NRG3: variants seen among roughly 807,000 people sequenced by gnomAD.
The protein encoded by NRG3 is pro-neuregulin-3, membrane-bound isoform.
NRG3 carries 31 observed loss-of-function variants against 66.9 expected under a neutral mutation model. The ratio of observed to expected loss-of-function variants is 0.46; its 90% confidence interval spans 0.35 to 0.63. NRG3 has a LOEUF of 0.63. Among genes scored for constraint, NRG3 ranks in the 20% least tolerant of loss-of-function variants. NRG3 has a pLI of 0.00. For missense variants in NRG3, 910 were observed against 878.9 expected, an observed-to-expected ratio of 1.04 and a Z score of -0.45; for synonymous variants, 393 against 359.4, an observed-to-expected ratio of 1.09 and a Z score of -1.06.
At chr10:82,238,869 G>A (rs549190604) in intron 1 of NRG3, among the ~76,000 whole-genome samples, 18 of 119,568 alleles carry the variant, frequency 1.5e-4, no homozygotes, top group Non-Finnish European at 2.9e-4. Context: ...CAGCTAAAAG[G>A]CCTATGTCAC....
intron 4 of NRG3, among the ~76,000 whole-genome samples, chr10:82,916,474 A>G (rs776509920): frequency 4.6e-5 from 7 of 152,154 alleles, no homozygotes; most frequent in Non-Finnish European, 8.8e-5. Flanking sequence ...AGGTGGGGGA[A>G]CAAAAATAAA....
intron 1 of NRG3, among the ~76,000 whole-genome samples, chr10:82,209,936 A>C (rs2075314614): frequency 6.6e-6 from 1 of 152,168 alleles, no homozygotes. Flanking sequence ...ATTGATGCAA[A>C]AAAATCAAGG....
At chr10:82,309,233 T>G (rs1042447474) in intron 1 of NRG3, among the ~76,000 whole-genome samples, 3 of 152,180 alleles carry the variant, frequency 2.0e-5, no homozygotes, top group African/African-American at 7.2e-5. Flanking sequence ...TCCCTCCTAA[T>G]TTTGCCTATG....
At chr10:82,095,300 C>CA (rs11351940) in intron 1 of NRG3, among the ~76,000 whole-genome samples, 6,471 of 148,748 alleles carry the variant, frequency 0.044, 165 homozygotes, top group East Asian at 0.11. Context: ...TTGCTTAAGC[C>CA]AAAAAAAAAA....
At chr10:82,412,852 CT>C (rs982055512) in intron 2 of NRG3, among the ~76,000 whole-genome samples, 11 of 152,088 alleles carry the variant, frequency 7.2e-5, no homozygotes, top group Non-Finnish European at 1.2e-4. Flanking sequence ...CAAAAAAACA[CT>C]TTCTTAGCTC....
chr10:81,915,811 T>A (rs138817337), intron 1 of NRG3, among the ~76,000 whole-genome samples: 1 of 152,186 alleles, frequency 6.6e-6, no homozygotes, highest in Non-Finnish European at 1.5e-5. Context: ...ATGGTGATAA[T>A]TGTTCTGTCC....
intron 1 of NRG3, among the ~76,000 whole-genome samples, chr10:82,048,399 C>T (rs1402141507): frequency 6.6e-6 from 1 of 152,138 alleles, no homozygotes; most frequent in Non-Finnish European, 1.5e-5. Context: ...AACAAACTGT[C>T]TCTCAGACCA....
At chr10:82,416,698 C>A (rs1320597845) in intron 2 of NRG3, among the ~76,000 whole-genome samples, 4 of 152,102 alleles carry the variant, frequency 2.6e-5, no homozygotes, top group South Asian at 2.1e-4. Flanking sequence ...ATTCTGCCCC[C>A]ACCCACCCTG....
intron 1 of NRG3, among the ~76,000 whole-genome samples, chr10:82,164,988 GC>G (rs1372931780): frequency 6.6e-6 from 1 of 151,950 alleles, no homozygotes; most frequent in East Asian, 1.9e-4. Context: ...ATCTGTTTAT[GC>G]CCTATATAAC....
At chr10:82,360,219 A>G (rs957880680) in intron 2 of NRG3, among the ~76,000 whole-genome samples, 15 of 152,172 alleles carry the variant, frequency 9.9e-5, no homozygotes, top group African/African-American at 3.4e-4. Context: ...CTCCTCTCTC[A>G]TATTTATTGT....
intron 1 of NRG3, among the ~76,000 whole-genome samples, chr10:82,099,062 G>A (rs975648280): frequency 6.6e-6 from 1 of 152,172 alleles, no homozygotes; most frequent in Admixed American, 6.5e-5. Flanking sequence ...ACCACACCTG[G>A]CCTAGGTAGC....
intron 3 of NRG3, among the ~76,000 whole-genome samples, chr10:82,778,525 A>C (rs11813026): frequency 0.02 from 3,108 of 152,232 alleles, 103 homozygotes; most frequent in African/African-American, 0.068. Flanking sequence ...CTCACTCATT[A>C]TCATGAAAAA....
intron 1 of NRG3, among the ~76,000 whole-genome samples, chr10:82,029,285 T>TA: frequency 6.6e-6 from 1 of 152,244 alleles, no homozygotes; most frequent in South Asian, 2.1e-4. Flanking sequence ...AGAAATTTAG[T>TA]TAACTTTTCT....
intron 2 of NRG3, among the ~76,000 whole-genome samples, chr10:82,491,316 A>ATATATATATATATATACATATATAT (rs1389375279): frequency 5.1e-5 from 7 of 136,802 alleles, no homozygotes; most frequent in Non-Finnish European, 1.1e-4. Context: ...ATATATATAT[A>ATATATATATATATATACATATATAT]AAATAAAGAT....
chr10:81,987,424 T>C (rs1365038578), intron 1 of NRG3, among the ~76,000 whole-genome samples: 1 of 152,232 alleles, frequency 6.6e-6, no homozygotes, highest in Non-Finnish European at 1.5e-5. Context: ...ATAAAACCTT[T>C]ATTTTTTGAC....
intron 1 of NRG3, among the ~76,000 whole-genome samples, chr10:81,957,667 A>C (rs974725256): frequency 6.6e-6 from 1 of 152,174 alleles, no homozygotes; most frequent in Non-Finnish European, 1.5e-5. Flanking sequence ...TTGCTTCTGG[A>C]TAGGAGCAAT....
intron 2 of NRG3, 51 bp downstream of exon 2, chr10:82,358,919 G>A: frequency 6.2e-7 from 1 of 1,612,038 alleles, no homozygotes; most frequent in Non-Finnish European, 8.5e-7. Flanking sequence ...GCAAGGCGTG[G>A]GGGTGGAGGG....
At chr10:82,962,184 A>G (rs1003633103) in intron 6 of NRG3, among the ~76,000 whole-genome samples, 1 of 152,164 alleles carries the variant, frequency 6.6e-6, no homozygotes, top group African/African-American at 2.4e-5. Context: ...AGTCCCTACC[A>G]TTGTTTTAAA....
At chr10:82,185,941 T>A (rs566324583) in intron 1 of NRG3, among the ~76,000 whole-genome samples, 3 of 152,310 alleles carry the variant, frequency 2.0e-5, no homozygotes, top group African/African-American at 4.8e-5. Flanking sequence ...TGCATCTTTT[T>A]AAAAATATTA....
Sources: gnomAD v4.1 joint callset for allele counts (sites outside exome capture counted in the v4.1 genomes callset) on GRCh38, gnomAD v4.1.1 for gene constraint, MANE v1.5 for transcripts, NCBI Gene and HGNC (gene_info 2026-07-23, HGNC 2026-07-21) for gene names.